LRRC4C: variants seen among roughly 807,000 people sequenced by gnomAD.
The protein encoded by LRRC4C is leucine-rich repeat-containing protein 4C.
Under a neutral mutation model 33.6 loss-of-function variants are expected in LRRC4C, and 5 were observed. That is an observed-to-expected ratio of 0.15 (90% CI 0.08 to 0.31). The LOEUF (loss-of-function observed/expected upper bound fraction) is 0.31, where lower values mean the gene tolerates loss of function less well. Among genes scored for constraint, LRRC4C ranks in the 10% least tolerant of loss-of-function variants. The pLI, the probability that LRRC4C is intolerant of heterozygous loss-of-function variation, is 1.00. For synonymous variants in LRRC4C, 329 were observed against 302.0 expected (o/e 1.09, Z -0.93); for missense variants, 560 against 796.7 (o/e 0.70, Z 3.58).
chr11:40,155,150 C>G (rs899845255), intron 5 of LRRC4C, among the ~76,000 whole-genome samples: 11 of 152,070 alleles, frequency 7.2e-5, no homozygotes, highest in African/African-American at 2.7e-4. Context: ...TTAAAAAATT[C>G]TTCAAACTGA....
chr11:40,707,933 G>A (rs1301049122), intron 2 of LRRC4C, among the ~76,000 whole-genome samples: 1 of 152,120 alleles, frequency 6.6e-6, no homozygotes, highest in African/African-American at 2.4e-5. Flanking sequence ...TCCTGTTTTA[G>A]TCTTGGGAGG....
intron 1 of LRRC4C, among the ~76,000 whole-genome samples, chr11:41,047,144 T>C (rs1168182119): frequency 6.6e-6 from 1 of 152,070 alleles, no homozygotes; most frequent in Admixed American, 6.6e-5. Flanking sequence ...TCCAAATATA[T>C]ATTAAAACAA....
intron 1 of LRRC4C, among the ~76,000 whole-genome samples, chr11:41,150,373 T>A (rs1336918924): frequency 6.6e-6 from 1 of 152,238 alleles, no homozygotes; most frequent in Admixed American, 6.5e-5. Context: ...CATTTTGTTT[T>A]GGACATGGTG....
intron 5 of LRRC4C, among the ~76,000 whole-genome samples, chr11:40,142,657 C>T (rs190991127): frequency 6.6e-6 from 1 of 152,236 alleles, no homozygotes; most frequent in Non-Finnish European, 1.5e-5. Flanking sequence ...ACTCAACATC[C>T]ATTGCTGGTT....
chr11:40,305,564 C>T lies in LRRC4C; in HGVS notation c.-176+14064G>A, dbSNP rs193198542. Among the ~76,000 whole-genome samples, 237 of 150,818 alleles carry T rather than the reference C, an allele frequency of 1.6e-3. 1 individual carries two copies. The highest frequency in any genetic ancestry group is 8.5e-3 in the South Asian group (41 of 4,798). ...CAGGTCACCCCTAAGTAAGTCTTAA[C>T]TGAATGATGACTATGTATCCAGTTG... On this transcript the variant is annotated intron_variant, in intron 4 of 6. Transcript: ENST00000528697.
chr11:41,187,108 G>C (rs1226429818), intron 1 of LRRC4C, among the ~76,000 whole-genome samples: 1 of 152,128 alleles, frequency 6.6e-6, no homozygotes, highest in African/African-American at 2.4e-5. Context: ...ATATGGGAAG[G>C]GGAGCAGGGG....
At chr11:40,710,401 T>C (rs1436867868) in intron 2 of LRRC4C, among the ~76,000 whole-genome samples, 1 of 152,162 alleles carries the variant, frequency 6.6e-6, no homozygotes, top group East Asian at 1.9e-4. Flanking sequence ...TTGTTGATGT[T>C]GATGCTATTC....
chr11:40,998,465 G>A (rs138833164), intron 1 of LRRC4C, among the ~76,000 whole-genome samples: 79 of 152,140 alleles, frequency 5.2e-4, no homozygotes, highest in African/African-American at 1.8e-3. Flanking sequence ...CAACTTGACT[G>A]CACTTTATGG....
intron 2 of LRRC4C, among the ~76,000 whole-genome samples, chr11:40,803,530 C>T (rs2135307234): frequency 1.3e-5 from 2 of 152,224 alleles, no homozygotes; most frequent in African/African-American, 4.8e-5. Context: ...AAGGAAAAGT[C>T]TTCTCTATCT....
intron 1 of LRRC4C, among the ~76,000 whole-genome samples, chr11:41,230,763 C>A (rs969862027): frequency 1.3e-5 from 2 of 151,818 alleles, no homozygotes; most frequent in African/African-American, 2.4e-5. Context: ...AATGGGATCT[C>A]ATTAAACTAA....
intron 5 of LRRC4C, among the ~76,000 whole-genome samples, chr11:40,225,616 TCTC>T (rs1018723757): frequency 1.2e-4 from 12 of 99,452 alleles, no homozygotes; most frequent in East Asian, 3.9e-4. Context: ...TCTCTCTCTC[TCTC>T]TTTTTTTTTT....
chr11:40,647,537 T>A (rs1401319784), intron 3 of LRRC4C, among the ~76,000 whole-genome samples: 1 of 152,176 alleles, frequency 6.6e-6, no homozygotes, highest in Non-Finnish European at 1.5e-5. Flanking sequence ...TTGTTTTGAG[T>A]CACTTAGACT....
chr11:40,344,859 A>T (rs1260719422), intron 3 of LRRC4C, among the ~76,000 whole-genome samples: 1 of 152,186 alleles, frequency 6.6e-6, no homozygotes, highest in East Asian at 1.9e-4. Flanking sequence ...TACACGAAGA[A>T]CATCCAAGCT....
intron 5 of LRRC4C, among the ~76,000 whole-genome samples, chr11:40,201,732 C>G (rs568878504): frequency 9.2e-5 from 14 of 152,224 alleles, no homozygotes; most frequent in African/African-American, 2.9e-4. Flanking sequence ...GAAATCCATT[C>G]TAGAGGGAGC....
intron 5 of LRRC4C, among the ~76,000 whole-genome samples, chr11:40,181,606 T>C (rs911155524): frequency 2.6e-5 from 4 of 152,224 alleles, no homozygotes; most frequent in African/African-American, 9.7e-5. Flanking sequence ...CAGGACTTGC[T>C]ATTTTGGTAC....
At chr11:40,809,536 A>G (rs1458020588) in intron 2 of LRRC4C, among the ~76,000 whole-genome samples, 1 of 152,110 alleles carries the variant, frequency 6.6e-6, no homozygotes, top group Non-Finnish European at 1.5e-5. Context: ...TTTTTTCTAT[A>G]GAACTTTTTG....
intron 1 of LRRC4C, among the ~76,000 whole-genome samples, chr11:41,211,518 C>T (rs1946821782): frequency 1.3e-5 from 2 of 151,986 alleles, no homozygotes; most frequent in Admixed American, 6.6e-5. Flanking sequence ...TGTGATGTTC[C>T]CCTTCCTGTA....
intron 2 of LRRC4C, among the ~76,000 whole-genome samples, chr11:40,842,070 CA>C (rs1345595737): frequency 2.0e-5 from 3 of 152,198 alleles, no homozygotes; most frequent in Middle Eastern, 3.2e-3. Context: ...TAAATCACGA[CA>C]ATTTCCTTAT....
chr11:41,252,949 T>G (rs1404011878), intron 1 of LRRC4C, among the ~76,000 whole-genome samples: 2 of 152,120 alleles, frequency 1.3e-5, no homozygotes, highest in African/African-American at 4.8e-5. Flanking sequence ...TCCTACAACA[T>G]GTGGGAATTA....
Sources: allele counts gnomAD v4.1 joint callset (sites outside exome capture counted in the v4.1 genomes callset), GRCh38; gene constraint gnomAD v4.1.1; transcripts MANE v1.5; gene names NCBI Gene and HGNC (gene_info 2026-07-23, HGNC 2026-07-21).